CNTNAP2: variants seen among roughly 807,000 people sequenced by gnomAD.
CNTNAP2 encodes contactin-associated protein-like 2.
A neutral mutation model predicts 155.2 loss-of-function variants in CNTNAP2; 98 were observed. The ratio of observed to expected loss-of-function variants is 0.63; its 90% confidence interval spans 0.54 to 0.75. The LOEUF is 0.75. Among genes scored for constraint, CNTNAP2 ranks in the 30% least tolerant of loss-of-function variants. The pLI is 0.00. For synonymous variants in CNTNAP2, 651 were observed against 631.2 expected (o/e 1.03, Z -0.47); for missense variants, 1,727 against 1,688.1 (o/e 1.02, Z -0.40).
chr7:147,973,160 TA>T (rs35756000), intron 14 of CNTNAP2, among the ~76,000 whole-genome samples: 14,327 of 120,672 alleles, frequency 0.12, 1,172 homozygotes, highest in East Asian at 0.32. Flanking sequence ...TCTCTAAAAT[TA>T]AAAAAAAAAA....
rs576637883 is a variant in CNTNAP2 at position 146,170,022 on chromosome 7, T to C, written c.97+53049T>C. On this transcript the variant is annotated intron_variant, in intron 1 of 23. Coordinates refer to ENST00000361727, the MANE Select transcript of CNTNAP2 (RefSeq NM_014141.6). ...GATCTAGACTTCCTTTCTTTTCTTT[T>C]TTTTTTTTTTTTTGGAGTGGGGTGG... 2.0e-4 allele frequency among the ~76,000 whole-genome samples: 30 copies of C among 148,632 alleles called. No homozygotes were observed. The South Asian group carries it at 5.7e-3, about 28-fold the overall frequency.
chr7:148,396,536 A>G (rs994680846), intron 22 of CNTNAP2, among the ~76,000 whole-genome samples: 2 of 152,112 alleles, frequency 1.3e-5, no homozygotes, highest in Admixed American at 6.6e-5. Flanking sequence ...CCACCTGGAA[A>G]TGTTAGTTCC....
At chr7:146,756,236 A>G in intron 1 of CNTNAP2, among the ~76,000 whole-genome samples, 1 of 152,006 alleles carries the variant, frequency 6.6e-6, no homozygotes, top group East Asian at 1.9e-4. Flanking sequence ...TGATAAAAAC[A>G]TGAAAAAAAA....
At chr7:147,712,092 T>A (rs1796408669) in intron 13 of CNTNAP2, among the ~76,000 whole-genome samples, 1 of 152,148 alleles carries the variant, frequency 6.6e-6, no homozygotes, top group Non-Finnish European at 1.5e-5. Context: ...TTGCTCCACG[T>A]TTCTTACTCA....
At chr7:147,505,166 T>C (rs573302167) in intron 11 of CNTNAP2, among the ~76,000 whole-genome samples, 1 of 152,234 alleles carries the variant, frequency 6.6e-6, no homozygotes, top group South Asian at 2.1e-4. Flanking sequence ...TCTCCTGACA[T>C]TATTAATGGC....
chr7:147,271,154 A>G (rs1804741158), intron 8 of CNTNAP2, among the ~76,000 whole-genome samples: 1 of 152,220 alleles, frequency 6.6e-6, no homozygotes, highest in Non-Finnish European at 1.5e-5. Flanking sequence ...ATAGATCATG[A>G]TAACACCTCG....
At chr7:146,855,065 A>G (rs534326015) in intron 3 of CNTNAP2, among the ~76,000 whole-genome samples, 1 of 152,332 alleles carries the variant, frequency 6.6e-6, no homozygotes, top group South Asian at 2.1e-4. Flanking sequence ...AACAAAATAT[A>G]TAAAATTGTG....
chr7:147,923,891 C>T (rs1434831176), intron 14 of CNTNAP2, among the ~76,000 whole-genome samples: 2 of 152,254 alleles, frequency 1.3e-5, no homozygotes, highest in East Asian at 1.9e-4. Flanking sequence ...CTTCTAGCCT[C>T]CAGAACTGTG....
intron 1 of CNTNAP2, among the ~76,000 whole-genome samples, chr7:146,466,775 T>A (rs1796723060): frequency 6.6e-6 from 1 of 152,178 alleles, no homozygotes; most frequent in South Asian, 2.1e-4. Flanking sequence ...TCAGACCAAT[T>A]GTTGAATAAT....
At chr7:148,182,092 G>A (rs979712649) in intron 18 of CNTNAP2, among the ~76,000 whole-genome samples, 1 of 151,924 alleles carries the variant, frequency 6.6e-6, no homozygotes, top group Admixed American at 6.6e-5. Flanking sequence ...ACCAGTGTGG[G>A]GACACAGCTG....
intron 1 of CNTNAP2, among the ~76,000 whole-genome samples, chr7:146,267,368 C>T (rs1466942138): frequency 2.0e-5 from 3 of 152,064 alleles, no homozygotes; most frequent in South Asian, 2.1e-4. Flanking sequence ...TCTGTATTTA[C>T]GTAGTCTTCT....
chr7:147,629,088 G>C (rs937997621), intron 12 of CNTNAP2, among the ~76,000 whole-genome samples: 10 of 152,008 alleles, frequency 6.6e-5, no homozygotes, highest in Non-Finnish European at 1.5e-4. Flanking sequence ...AGTTCATCAA[G>C]ACGAGAAGTC....
intron 3 of CNTNAP2, among the ~76,000 whole-genome samples, chr7:146,983,393 A>C (rs143358401): frequency 1.3e-5 from 2 of 152,320 alleles, no homozygotes; most frequent in Non-Finnish European, 2.9e-5. Context: ...TGTACTTGAA[A>C]AAAGGTACAC....
rs754268554 is a variant in CNTNAP2 at position 147,506,649 on chromosome 7, A to G, written c.1777+20608A>G. ...TCTTTTTAAATTGATTTCTTTCAAA[A>G]TTGTACTAAATGTAGTTAGTTGCCC... On this transcript the variant is annotated intron_variant, in intron 11 of 23. Coordinates refer to ENST00000361727, the MANE Select transcript of CNTNAP2 (RefSeq NM_014141.6). Among the ~76,000 whole-genome samples, 6 of 152,308 alleles carry G rather than the reference A, an allele frequency of 3.9e-5. No individual in the cohort carries two copies. In the East Asian group the frequency reaches 1.2e-3, roughly 29 times the overall value.
chr7:147,809,106 C>A (rs1264914077), intron 13 of CNTNAP2, among the ~76,000 whole-genome samples: 1 of 152,206 alleles, frequency 6.6e-6, no homozygotes, highest in African/African-American at 2.4e-5. Context: ...CTCCCACCTA[C>A]TACTGGCAGC....
chr7:147,154,708 C>G (rs944585920), intron 8 of CNTNAP2, among the ~76,000 whole-genome samples: 3 of 152,024 alleles, frequency 2.0e-5, no homozygotes, highest in Admixed American at 6.6e-5. Flanking sequence ...ACTGCCACCC[C>G]CTAAAAGATA....
intron 3 of CNTNAP2, among the ~76,000 whole-genome samples, chr7:146,907,618 C>T (rs1295323925): frequency 6.7e-6 from 1 of 149,806 alleles, no homozygotes; most frequent in Non-Finnish European, 1.5e-5. Flanking sequence ...TTTGTCACCA[C>T]CAAGCCTGCC....
chr7:146,981,238 G>A (rs887102694), intron 3 of CNTNAP2, among the ~76,000 whole-genome samples: 1 of 152,088 alleles, frequency 6.6e-6, no homozygotes, highest in African/African-American at 2.4e-5. Flanking sequence ...TGCTCCCAAA[G>A]AGTTATAACT....
At chr7:147,481,280 C>T (rs1055026921) in intron 10 of CNTNAP2, among the ~76,000 whole-genome samples, 2 of 152,216 alleles carry the variant, frequency 1.3e-5, no homozygotes, top group African/African-American at 4.8e-5. Flanking sequence ...AGTTCTTCCA[C>T]TATCCCTGCT....
Sources: gnomAD v4.1 joint callset for allele counts (sites outside exome capture counted in the v4.1 genomes callset) on GRCh38, gnomAD v4.1.1 for gene constraint, MANE v1.5 for transcripts, NCBI Gene and HGNC (gene_info 2026-07-23, HGNC 2026-07-21) for gene names.